The following KIAA0825 variants were observed in gnomAD, a reference collection of about 807,000 sequenced individuals.
The protein encoded by KIAA0825 is KIAA0825, also known as uncharacterized protein KIAA0825.
In KIAA0825, 119 loss-of-function variants were observed where a neutral mutation model predicts 147.6. The observed-to-expected ratio is 0.81, with a 90% CI of 0.69 to 0.94. KIAA0825 has a LOEUF of 0.94. KIAA0825 is among the 40% of genes least tolerant of loss of function. The pLI, the probability that KIAA0825 is intolerant of heterozygous loss-of-function variation, is 0.00. For missense variants in KIAA0825, 1,381 were observed against 1,472.7 expected, an observed-to-expected ratio of 0.94 and a Z score of 1.02; for synonymous variants, 470 against 518.1, an observed-to-expected ratio of 0.91 and a Z score of 1.26.
At chr5:94,550,009 A>G (rs112221716) in intron 2 of KIAA0825, among the ~76,000 whole-genome samples, 187 of 152,296 alleles carry the variant, frequency 1.2e-3, no homozygotes, top group African/African-American at 4.4e-3. Flanking sequence ...ATGGACATCA[A>G]CAGAGGACTG....
At chr5:94,397,708 T>C (rs1200432364) in intron 16 of KIAA0825, among the ~76,000 whole-genome samples, 1 of 152,138 alleles carries the variant, frequency 6.6e-6, no homozygotes, top group Admixed American at 6.6e-5. Context: ...AGCATTCCCC[T>C]CAGTGGTGAC....
chr5:94,399,939 T>G (rs1584380152), intron 16 of KIAA0825, among the ~76,000 whole-genome samples: 2 of 152,062 alleles, frequency 1.3e-5, no homozygotes, highest in East Asian at 3.9e-4. Flanking sequence ...TAATGTAATT[T>G]TTTATTATTT....
intron 2 of KIAA0825, among the ~76,000 whole-genome samples, chr5:94,551,050 A>G (rs2152254460): frequency 6.6e-6 from 1 of 151,956 alleles, no homozygotes; most frequent in African/African-American, 2.4e-5. Context: ...ATATGAGCCA[A>G]ACAGAAATCT....
At chr5:94,296,927 T>C (rs1456309039) in intron 20 of KIAA0825, among the ~76,000 whole-genome samples, 2 of 152,210 alleles carry the variant, frequency 1.3e-5, no homozygotes, top group African/African-American at 2.4e-5. Context: ...CATACACTGG[T>C]AATACTAAAT....
At chr5:94,199,145 T>C (rs753799954) in intron 20 of KIAA0825, among the ~76,000 whole-genome samples, 3 of 152,194 alleles carry the variant, frequency 2.0e-5, no homozygotes, top group Non-Finnish European at 4.4e-5. Flanking sequence ...AGAATTCTTG[T>C]GTTGGTTCTT....
At chr5:94,389,560 T>C (rs893039049) in intron 18 of KIAA0825, among the ~76,000 whole-genome samples, 1 of 152,246 alleles carries the variant, frequency 6.6e-6, no homozygotes, top group African/African-American at 2.4e-5. Context: ...TCTCTATGAA[T>C]GGCACACCCA....
At chr5:94,419,508 A>T (rs1340230922) in intron 14 of KIAA0825, among the ~76,000 whole-genome samples, 2 of 152,116 alleles carry the variant, frequency 1.3e-5, no homozygotes, top group Non-Finnish European at 2.9e-5. Flanking sequence ...CATCTGTTCT[A>T]CCCAGTAGAG....
chr5:94,550,920 A>G, intron 2 of KIAA0825, among the ~76,000 whole-genome samples: 1 of 152,144 alleles, frequency 6.6e-6, no homozygotes, highest in South Asian at 2.1e-4. Context: ...ATGCCAGAAA[A>G]AGTATTCAAA....
At chr5:94,368,710 T>C (rs1243250154) in intron 20 of KIAA0825, among the ~76,000 whole-genome samples, 1 of 152,180 alleles carries the variant, frequency 6.6e-6, no homozygotes, top group East Asian at 1.9e-4. Flanking sequence ...ATTTAGATGA[T>C]GGGAAATAGA....
At chr5:94,229,958 A>C (rs1774543411) in intron 20 of KIAA0825, among the ~76,000 whole-genome samples, 1 of 151,858 alleles carries the variant, frequency 6.6e-6, no homozygotes, top group Non-Finnish European at 1.5e-5. Flanking sequence ...TCTTTTATTC[A>C]TGTTAGAGAT....
At chr5:94,353,927 A>C (rs1783976845) in intron 20 of KIAA0825, among the ~76,000 whole-genome samples, 1 of 152,178 alleles carries the variant, frequency 6.6e-6, no homozygotes, top group Admixed American at 6.5e-5. Flanking sequence ...TTACTTTGTA[A>C]TCTATTACAT....
chr5:94,170,123 C>A (rs1378110672), intron 20 of KIAA0825, among the ~76,000 whole-genome samples: 1 of 152,086 alleles, frequency 6.6e-6, no homozygotes. Flanking sequence ...CACGGTGAAA[C>A]CCCGTCTCTA....
chr5:94,542,107 T>G (rs750559724), intron 2 of KIAA0825, among the ~76,000 whole-genome samples: 1 of 152,240 alleles, frequency 6.6e-6, no homozygotes, highest in East Asian at 1.9e-4. Context: ...AGGTGATTTA[T>G]GATCAACTAT....
At chr5:94,411,271 G>A (rs544094229) in intron 15 of KIAA0825, among the ~76,000 whole-genome samples, 1 of 151,970 alleles carries the variant, frequency 6.6e-6, no homozygotes, top group Admixed American at 6.6e-5. Flanking sequence ...TCCAAAAGAG[G>A]GCCAAAATAG....
intron 14 of KIAA0825, among the ~76,000 whole-genome samples, chr5:94,417,573 AAAAC>A (rs1331595408): frequency 6.6e-6 from 1 of 152,204 alleles, no homozygotes; most frequent in Non-Finnish European, 1.5e-5. Flanking sequence ...TTTATGGAAA[AAAAC>A]AAACAAAAAC....
intron 20 of KIAA0825, among the ~76,000 whole-genome samples, chr5:94,315,812 GCTA>G (rs1779603202): frequency 6.6e-6 from 1 of 151,614 alleles, no homozygotes; most frequent in Admixed American, 6.6e-5. Flanking sequence ...TACAAAGAGG[GCTA>G]CTAGAAACAA....
intron 15 of KIAA0825, chr5:94,413,406 A>G (rs1753026354): frequency 6.6e-6 from 1 of 152,180 alleles, no homozygotes; most frequent in Admixed American, 6.5e-5. Context: ...ATGTCCACCC[A>G]ACTGGTAAGT....
At position 94,520,727 on chromosome 5, in the gene KIAA0825, A is replaced by C. The variant is rs769958395; in HGVS notation, c.491T>G (p.Ile164Arg). The C allele has an allele frequency of 8.7e-6, 14 of 1,613,336 alleles. No homozygotes were observed. Among genetic ancestry groups the C allele is most frequent in the Non-Finnish European group, 1.2e-5 (14 of 1,179,512 alleles). Residue 164 changes from isoleucine (I) to arginine (R), a missense_variant, in exon 5 of 21, where the codon ATA becomes AGA. Coordinates refer to ENST00000682413, the MANE Select transcript of KIAA0825 (RefSeq NM_001145678.3). ...TAAGAAGCGTCGAAGATGCAGTCTTATATCATCCCACATAGACTTGACATC... is the reference window on the plus strand; with the variant it reads ...TAAGAAGCGTCGAAGATGCAGTCTTCTATCATCCCACATAGACTTGACATC... ...SMDVKSMWDD[I>R]RLHLRRFLVS...
intron 1 of KIAA0825, among the ~76,000 whole-genome samples, chr5:94,599,395 C>G (rs1338779019): frequency 8.6e-6 from 1 of 116,876 alleles, no homozygotes; most frequent in African/African-American, 3.5e-5. Context: ...GATGAGGGTT[C>G]CATGAAAAGT....
Sources: allele counts gnomAD v4.1 joint callset (sites outside exome capture counted in the v4.1 genomes callset), GRCh38; gene constraint gnomAD v4.1.1; transcripts MANE v1.5; gene names NCBI Gene and HGNC (gene_info 2026-07-23, HGNC 2026-07-21).